The following PCDHA2 variants were observed in gnomAD, a reference collection of about 807,000 sequenced individuals.
The protein encoded by PCDHA2 is protocadherin alpha-2.
PCDHA2 carries 58 observed loss-of-function variants against 66.0 expected under a neutral mutation model. That is an observed-to-expected ratio of 0.88 (90% CI 0.71 to 1.09). The LOEUF (loss-of-function observed/expected upper bound fraction) is 1.09. PCDHA2 is among the 50% of genes least tolerant of loss of function. The pLI is 0.00. For synonymous variants in PCDHA2, 634 were observed against 554.0 expected, an observed-to-expected ratio of 1.14 and a Z score of -2.03; for missense variants, 1,267 against 1,242.3, an observed-to-expected ratio of 1.02 and a Z score of -0.30.
chr5:140,848,251 T>A, intron 1 of PCDHA2: 1 of 465,844 alleles, frequency 2.1e-6, no homozygotes, highest in East Asian at 3.2e-5. Context: ...GCAGAATAAC[T>A]GTGAAATTTT....
intron 1 of PCDHA2, among the ~76,000 whole-genome samples, chr5:140,887,378 G>C (rs1407679123): frequency 6.6e-6 from 1 of 152,176 alleles, no homozygotes; most frequent in East Asian, 1.9e-4. Flanking sequence ...TTACAGGTGT[G>C]AGCCACCGCG....
rs1489202467 is a variant in PCDHA2 at position 140,882,704 on chromosome 5, A to G, written c.2388+85352A>G. ...GAAACGAATAATCATTGCAGAATCTAGACCTCCGGAAACTCGATTTCCACT... is the reference window on the plus strand; with the variant it reads ...GAAACGAATAATCATTGCAGAATCTGGACCTCCGGAAACTCGATTTCCACT... On this transcript the variant is annotated intron_variant, in intron 1 of 3. Coordinates refer to ENST00000526136, the MANE Select transcript of PCDHA2 (RefSeq NM_018905.3). 6 of 1,614,110 alleles carry G rather than the reference A, an allele frequency of 3.7e-6. No individual in the cohort carries two copies. The African/African-American group carries it at 8.0e-5, about 22-fold the overall frequency.
chr5:140,828,954 T>G, intron 1 of PCDHA2: 1 of 1,614,236 alleles, frequency 6.2e-7, no homozygotes, highest in Non-Finnish European at 8.5e-7. Flanking sequence ...GTTGCAGCCA[T>G]GGTTATTGAC....
At chr5:140,870,810 T>C in intron 1 of PCDHA2, 2 of 1,613,710 alleles carry the variant, frequency 1.2e-6, no homozygotes, top group South Asian at 1.1e-5. Context: ...CGACTCAGGC[T>C]GGCAGCGCGG....
chr5:140,993,631 G>A (rs1466996708), intron 3 of PCDHA2, among the ~76,000 whole-genome samples: 2 of 152,162 alleles, frequency 1.3e-5, no homozygotes, highest in African/African-American at 2.4e-5. Context: ...ATATATAGTC[G>A]TGTACCAAAT....
Position 140,924,253 on chromosome 5 carries a change from A to T in PCDHA2, c.2389-54696A>T, listed in dbSNP as rs550218351. ...ATGGGCTGTTTTGCATCCTGGTGAGATCTAATGAGGTCTGTACTTGTGACT... is the reference window on the plus strand; with the variant it reads ...ATGGGCTGTTTTGCATCCTGGTGAGTTCTAATGAGGTCTGTACTTGTGACT... On this transcript the variant is annotated intron_variant, in intron 1 of 3. Coordinates refer to ENST00000526136, the MANE Select transcript of PCDHA2 (RefSeq NM_018905.3). Among the ~76,000 whole-genome samples, 68 of 152,330 alleles carry T rather than the reference A, an allele frequency of 4.5e-4. No homozygotes were observed. In the South Asian group the frequency reaches 0.013, roughly 29 times the overall value.
chr5:140,871,332 G>T (rs1182944600), intron 1 of PCDHA2: 6 of 1,614,146 alleles, frequency 3.7e-6, no homozygotes, highest in South Asian at 1.1e-5. Flanking sequence ...GCTCCCGCGC[G>T]GTGGGGAGCT....
At chr5:140,880,369 G>A (rs1055944264) in intron 1 of PCDHA2, among the ~76,000 whole-genome samples, 4 of 152,210 alleles carry the variant, frequency 2.6e-5, no homozygotes, top group African/African-American at 9.7e-5. Context: ...TGAAAACCAT[G>A]AGAGAATAGA....
intron 1 of PCDHA2, chr5:140,854,677 A>G (rs1450428296): frequency 6.7e-6 from 1 of 150,054 alleles, no homozygotes; most frequent in African/African-American, 2.4e-5. Context: ...CATAAGACCA[A>G]TATGTCTGTT....
chr5:140,807,641 T>C, intron 1 of PCDHA2: 1 of 1,614,114 alleles, frequency 6.2e-7, no homozygotes, highest in Non-Finnish European at 8.5e-7. Flanking sequence ...TGACTCTCGG[T>C]TTCCACTAGA....
chr5:140,969,781 A>G (rs1017019880), intron 1 of PCDHA2, among the ~76,000 whole-genome samples: 3 of 152,336 alleles, frequency 2.0e-5, no homozygotes, highest in East Asian at 1.9e-4. Flanking sequence ...AGGGGCTATC[A>G]TAGTCACCAC....
chr5:140,947,704 G>T (rs1199039011), intron 1 of PCDHA2, among the ~76,000 whole-genome samples: 2 of 151,488 alleles, frequency 1.3e-5, no homozygotes, highest in East Asian at 3.9e-4. Flanking sequence ...GTAGTTTTAA[G>T]TATTGAGGTT....
chr5:140,796,732 G>C lies in PCDHA2; in HGVS notation c.1768G>C (p.Val590Leu). 1 of 1,614,114 alleles carries C rather than the reference G, an allele frequency of 6.2e-7. No individual in the cohort carries two copies. ...LVPWSVGAGH[V>L]VAKVRAVDAD... Reference sequence around the variant, plus strand: ...GCCGTGGTCGGTGGGTGCAGGGCACGTGGTGGCGAAGGTGCGCGCAGTGGA... The same window carrying C: ...GCCGTGGTCGGTGGGTGCAGGGCACCTGGTGGCGAAGGTGCGCGCAGTGGA... Residue 590 changes from valine to leucine, a missense_variant, in exon 1 of 4, where the codon GTG (valine) becomes CTG (leucine). Coordinates refer to ENST00000526136, the MANE Select transcript of PCDHA2 (RefSeq NM_018905.3).
At chr5:140,876,972 C>T (rs374149249) in intron 1 of PCDHA2, 13 of 1,612,478 alleles carry the variant, frequency 8.1e-6, no homozygotes, top group Non-Finnish European at 1.1e-5. Context: ...GGCGGGTGGG[C>T]GAGCACGCAC....
chr5:140,904,225 T>A (rs782022279), intron 1 of PCDHA2, among the ~76,000 whole-genome samples: 5 of 152,020 alleles, frequency 3.3e-5, no homozygotes, highest in Non-Finnish European at 5.9e-5. Context: ...CATTGTATTA[T>A]ACTTATGCCT....
At chr5:140,883,446 T>TCCC (rs2059615161) in intron 1 of PCDHA2, 1 of 1,614,012 alleles carries the variant, frequency 6.2e-7, no homozygotes, top group African/African-American at 1.3e-5. Context: ...ACGCCGCATG[T>TCCC]CCCCTTCAAG....
intron 3 of PCDHA2, among the ~76,000 whole-genome samples, chr5:140,990,570 C>T (rs142596715): frequency 7.2e-4 from 110 of 152,260 alleles, no homozygotes; most frequent in African/African-American, 2.4e-3. Context: ...CACACCTGTT[C>T]GATCTCTTTT....
intron 1 of PCDHA2, chr5:140,808,757 G>T (rs781847203): frequency 1.9e-6 from 3 of 1,612,266 alleles, no homozygotes; most frequent in South Asian, 2.2e-5. Context: ...GCAGCCGCTG[G>T]ACCACGAGGA....
In PCDHA2 at chr5:140,842,704, G is replaced by A. The variant is rs151170990; in HGVS notation, c.2388+45352G>A. 2,141 of 1,595,136 alleles carry A rather than the reference G, an allele frequency of 1.3e-3. 215 individuals are homozygous for A. The highest frequency in any genetic ancestry group is 5.2e-3 in the African/African-American group (389 of 74,336). On this transcript the variant is annotated intron_variant, in intron 1 of 3. Transcript: ENST00000526136. ...CGGCGTTCGCGCAGCCCGAGTACAC[G>A]GTGTTCGTGAAGGAGAACAACCCGC... is the stretch of plus-strand genomic sequence containing the variant.
Sources: allele counts gnomAD v4.1 joint callset (sites outside exome capture counted in the v4.1 genomes callset), GRCh38; gene constraint gnomAD v4.1.1; transcripts MANE v1.5; gene names NCBI Gene and HGNC (gene_info 2026-07-23, HGNC 2026-07-21).